Variants in PCDH11Y observed in about 807,000 individuals in gnomAD.
PCDH11Y encodes protocadherin-11 Y-linked.
For synonymous variants in PCDH11Y, 9 were observed against 83.6 expected, an observed-to-expected ratio of 0.11 and a Z score of 4.87; for missense variants, 12 against 224.8, an observed-to-expected ratio of 0.05 and a Z score of 6.05.
intron 2 of PCDH11Y, among the ~76,000 whole-genome samples, chrY:5,311,365 G>A: frequency 1.0e-4 from 3 of 28,663 alleles, no homozygotes; most frequent in African/African-American, 4.2e-4. Context: ...ACTTTTAAGG[G>A]TAAACAGCCT....
At chrY:5,514,173 G>A in intron 3 of PCDH11Y, among the ~76,000 whole-genome samples, 1 of 30,025 alleles carries the variant, frequency 3.3e-5, no homozygotes, top group Non-Finnish European at 8.0e-5. Flanking sequence ...GATGCTTAAG[G>A]AAATTGTAGG....
At chrY:5,632,741 A>C in intron 4 of PCDH11Y, among the ~76,000 whole-genome samples, 1 of 28,767 alleles carries the variant, frequency 3.5e-5, no homozygotes, top group African/African-American at 1.3e-4. Flanking sequence ...TCTATTGAAA[A>C]TCTTAACAAC....
intron 2 of PCDH11Y, among the ~76,000 whole-genome samples, chrY:5,321,909 T>C: frequency 3.3e-5 from 1 of 29,857 alleles, no homozygotes; most frequent in Admixed American, 3.1e-4. Flanking sequence ...GGCTGCCTTG[T>C]TGTGTTCACA....
intron 3 of PCDH11Y, among the ~76,000 whole-genome samples, chrY:5,541,927 A>G: frequency 3.2e-5 from 1 of 31,307 alleles, no homozygotes; most frequent in Non-Finnish European, 7.8e-5. Flanking sequence ...CTGGAAATTT[A>G]TAATTTCACC....
At chrY:5,213,073 G>A (rs1602887227) in intron 2 of PCDH11Y, among the ~76,000 whole-genome samples, 3 of 25,349 alleles carry the variant, frequency 1.2e-4, no homozygotes, top group Admixed American at 4.2e-4. Context: ...CAATCAATTC[G>A]CATGCAGTAA....
chrY:5,439,429 CA>C (rs2053278385), intron 2 of PCDH11Y, among the ~76,000 whole-genome samples: 2 of 32,977 alleles, frequency 6.1e-5, no homozygotes, highest in South Asian at 1.4e-3. Flanking sequence ...TAAATGAAAA[CA>C]GGAAGGAAAT....
chrY:5,641,684 G>A, intron 4 of PCDH11Y, among the ~76,000 whole-genome samples: 2 of 32,187 alleles, frequency 6.2e-5, no homozygotes, highest in African/African-American at 1.2e-4. Context: ...TAATGAAAAC[G>A]TTTGGAATAT....
chrY:5,312,191 T>G, intron 2 of PCDH11Y, among the ~76,000 whole-genome samples: 4 of 32,892 alleles, frequency 1.2e-4, no homozygotes. Context: ...TCAACCTGTT[T>G]TGGGACTTGG....
At chrY:5,404,210 AAAGT>A (rs2053236580) in intron 2 of PCDH11Y, among the ~76,000 whole-genome samples, 4 of 33,496 alleles carry the variant, frequency 1.2e-4, no homozygotes, top group Non-Finnish European at 3.0e-4. Context: ...ATTTTTAAAG[AAAGT>A]AAGTCATAGA....
At chrY:5,162,347 A>G (rs2052875256) in intron 2 of PCDH11Y, among the ~76,000 whole-genome samples, 1 of 32,774 alleles carries the variant, frequency 3.1e-5, no homozygotes, top group Non-Finnish European at 7.5e-5. Context: ...CAAATAACAA[A>G]AAGAAGGCCT....
At chrY:5,127,854 T>A in intron 2 of PCDH11Y, among the ~76,000 whole-genome samples, 1 of 33,292 alleles carries the variant, frequency 3.0e-5, no homozygotes, top group Non-Finnish European at 7.4e-5. Context: ...TTTCTCAAGA[T>A]TTGAAACTTT....
At chrY:5,114,850 A>T in intron 2 of PCDH11Y, among the ~76,000 whole-genome samples, 1 of 31,646 alleles carries the variant, frequency 3.2e-5, no homozygotes, top group Non-Finnish European at 7.6e-5. Flanking sequence ...TATCTTTTCA[A>T]ATCTTAGCAT....
At position 5,464,487 on chromosome Y, in the gene PCDH11Y, G is replaced by T. The variant is rs2124684103; in HGVS notation, c.3130-36570G>T. Among the ~76,000 whole-genome samples, 5 of 31,473 alleles carry T rather than the reference G, an allele frequency of 1.6e-4. No individual in the cohort carries two copies. The South Asian group carries it at 3.7e-3, about 23-fold the overall frequency. The allele number at this position is 31,473 out of a possible 37,273, so 84.4% of individuals were successfully genotyped here. A position where few individuals can be genotyped will look rare whatever the true frequency, so the allele number is the denominator to read the frequency against. On this transcript the variant is annotated intron_variant, in intron 2 of 4. Transcript: ENST00000400457. ...TCAGAGGGAAGATCTGGGGCTCAAA[G>T]TTGCTGTTCAGATTCTTTTGCCTCC...
At chrY:5,407,862 C>A in intron 2 of PCDH11Y, among the ~76,000 whole-genome samples, 1 of 25,837 alleles carries the variant, frequency 3.9e-5, no homozygotes, top group East Asian at 9.9e-4. Flanking sequence ...TGCAGTGAGC[C>A]GAGATCGCGC....
intron 2 of PCDH11Y, among the ~76,000 whole-genome samples, chrY:5,461,490 A>C: frequency 3.0e-5 from 1 of 33,468 alleles, no homozygotes; most frequent in Admixed American, 2.8e-4. Flanking sequence ...ATAGTTCATA[A>C]AGAAGACTTT....
intron 2 of PCDH11Y, among the ~76,000 whole-genome samples, chrY:5,386,158 G>C (rs370701943): frequency 3.0e-5 from 1 of 33,354 alleles, no homozygotes; most frequent in Admixed American, 2.8e-4. Context: ...TAATTATTTT[G>C]TTTAAAGAAG....
intron 2 of PCDH11Y, among the ~76,000 whole-genome samples, chrY:5,433,427 G>T (rs2053270772): frequency 3.0e-5 from 1 of 33,365 alleles, no homozygotes; most frequent in Admixed American, 2.8e-4. Flanking sequence ...CACAGTATAT[G>T]TCTTGAGACT....
intron 2 of PCDH11Y, among the ~76,000 whole-genome samples, chrY:5,469,546 G>A (rs2053311351): frequency 6.0e-5 from 2 of 33,139 alleles, no homozygotes; most frequent in Non-Finnish European, 1.5e-4. Context: ...AATTGGTGAC[G>A]TCTATGGGGC....
intron 2 of PCDH11Y, among the ~76,000 whole-genome samples, chrY:5,231,751 C>A: frequency 3.0e-5 from 1 of 33,386 alleles, no homozygotes; most frequent in African/African-American, 1.2e-4. Context: ...GTCCCCCAGA[C>A]CCTATGTGCG....
Sources: gnomAD v4.1 joint callset for allele counts (sites outside exome capture counted in the v4.1 genomes callset) on GRCh38, gnomAD v4.1.1 for gene constraint, MANE v1.5 for transcripts, NCBI Gene and HGNC (gene_info 2026-07-23, HGNC 2026-07-21) for gene names.